Variants in MBTPS2 observed in about 807,000 individuals in gnomAD.
MBTPS2 encodes membrane bound transcription factor peptidase, site 2.
A neutral mutation model predicts 35.4 loss-of-function variants in MBTPS2; 2 were observed. That is an observed-to-expected ratio of 0.06 (90% CI 0.02 to 0.18). The LOEUF (loss-of-function observed/expected upper bound fraction) is 0.18, where lower values mean the gene tolerates loss of function less well. MBTPS2 is among the 10% of genes least tolerant of loss of function. The probability of loss-of-function intolerance (pLI) is 1.00; values close to 1 mark genes in which losing one functional copy is unlikely to be tolerated. For missense variants in MBTPS2, 244 were observed against 386.5 expected (o/e 0.63, Z 3.09); for synonymous variants, 125 against 140.4 (o/e 0.89, Z 0.77).
chrX:21,877,310 C>T (rs1465561529), intron 7 of MBTPS2, among the ~76,000 whole-genome samples: 17 of 111,717 alleles, frequency 1.5e-4, no homozygotes, highest in East Asian at 5.6e-4. Flanking sequence ...GGTGCAGTGG[C>T]GCATGCCTGT....
intron 5 of MBTPS2, among the ~76,000 whole-genome samples, chrX:21,863,392 CAT>C (rs1569326002): frequency 9.1e-6 from 1 of 110,154 alleles, no homozygotes; most frequent in African/African-American, 3.3e-5. Context: ...CATGTATACT[CAT>C]ATACATGCTG....
chrX:21,861,704 A>C (rs1468524851), intron 5 of MBTPS2, among the ~76,000 whole-genome samples: 1 of 101,275 alleles, frequency 9.9e-6, no homozygotes, highest in South Asian at 4.7e-4. Context: ...CTCTTTAAAA[A>C]AAACAAACAA....
intron 7 of MBTPS2, 56 bp downstream of exon 7, chrX:21,869,734 A>G (rs1281898077): frequency 1.1e-6 from 1 of 904,669 alleles, no homozygotes; most frequent in Admixed American, 2.2e-5. Flanking sequence ...CCTGCCATTC[A>G]CTAATCCTTA....
chrX:21,861,776 A>T (rs910953818), intron 5 of MBTPS2, among the ~76,000 whole-genome samples: 1 of 111,740 alleles, frequency 8.9e-6, no homozygotes, highest in African/African-American at 3.2e-5. Context: ...TTTTTAAATG[A>T]TGTATCTGTA....
intron 3 of MBTPS2, among the ~76,000 whole-genome samples, chrX:21,849,134 T>A (rs2092911912): frequency 8.9e-6 from 1 of 111,961 alleles, no homozygotes; most frequent in South Asian, 3.7e-4. Flanking sequence ...CCACCCATAG[T>A]TTACATTAGG....
At chrX:21,874,601 T>G (rs966965356) in intron 7 of MBTPS2, among the ~76,000 whole-genome samples, 21 of 111,930 alleles carry the variant, frequency 1.9e-4, no homozygotes, top group African/African-American at 6.8e-4. Context: ...ACTGGACTAT[T>G]TCTGTGACTA....
intron 7 of MBTPS2, chrX:21,871,720 AT>A (rs1015719754): frequency 1.8e-5 from 2 of 111,479 alleles, no homozygotes; most frequent in Non-Finnish European, 3.8e-5. Flanking sequence ...TTGAAATGTT[AT>A]TTTTTTGTTG....
At chrX:21,857,441 G>A in intron 5 of MBTPS2, 4 of 1,211,748 alleles carry the variant, frequency 3.3e-6, no homozygotes, top group Non-Finnish European at 4.5e-6. Flanking sequence ...AAGGCTGCGG[G>A]AAACGCTTTT....
intron 1 of MBTPS2, chrX:21,841,771 G>A (rs991087985): frequency 8.9e-6 from 1 of 112,338 alleles, no homozygotes; most frequent in Non-Finnish European, 1.9e-5. Context: ...CCTTAAGAAT[G>A]CACCAACCTC....
chrX:21,869,982 T>G lies in MBTPS2; in HGVS notation c.970+304T>G, dbSNP rs776511675. On this transcript the variant is annotated intron_variant, in intron 7 of 10. Coordinates refer to ENST00000379484, the MANE Select transcript of MBTPS2 (RefSeq NM_015884.4). Reference sequence around the variant, plus strand: ...ATAGCCGGGCGCAGTGGCTCACGCCTGTAATCCCAGCACTTTGGGAGGCTG... The same window carrying G: ...ATAGCCGGGCGCAGTGGCTCACGCCGGTAATCCCAGCACTTTGGGAGGCTG... 147 of 220,585 alleles carry G rather than the reference T, an allele frequency of 6.7e-4. 1 individual carries two copies. In the South Asian group the frequency reaches 8.2e-3, roughly 12 times the overall value. 18.2% of individuals were successfully genotyped at this position (220,585 alleles called of 1,213,427 possible). A position where few individuals can be genotyped will look rare whatever the true frequency, so the allele number is the denominator to read the frequency against.
At chrX:21,881,372 G>A (rs997975879) in intron 10 of MBTPS2, among the ~76,000 whole-genome samples, 1 of 111,451 alleles carries the variant, frequency 9.0e-6, no homozygotes, top group African/African-American at 3.3e-5. Context: ...TAAATCCCAG[G>A]GAGGAATGCA....
chrX:21,863,375 T>G (rs1422071663), intron 5 of MBTPS2, among the ~76,000 whole-genome samples: 3 of 110,476 alleles, frequency 2.7e-5, no homozygotes, highest in Non-Finnish European at 5.7e-5. Context: ...TTATTAAAAT[T>G]ATTACACATG....
At chrX:21,854,346 C>G (rs2092917971) in intron 5 of MBTPS2, among the ~76,000 whole-genome samples, 2 of 111,704 alleles carry the variant, frequency 1.8e-5, no homozygotes, top group Admixed American at 1.9e-4. Flanking sequence ...AATTTAAGAC[C>G]AAAACACATT....
intron 10 of MBTPS2, 26 bp from the exon 11 acceptor site, chrX:21,882,407 T>C: frequency 1.8e-6 from 2 of 1,113,988 alleles, no homozygotes; most frequent in Non-Finnish European, 2.5e-6. Flanking sequence ...CTCTCACAGT[T>C]GGTTCCTTAA....
At chrX:21,861,095 ACAACT>A (rs973535998) in intron 5 of MBTPS2, among the ~76,000 whole-genome samples, 9 of 112,313 alleles carry the variant, frequency 8.0e-5, no homozygotes, top group African/African-American at 2.9e-4. Context: ...AATTAATAAG[ACAACT>A]CAATCAAAAA....
At chrX:21,849,841 C>T (rs1382096913) in intron 3 of MBTPS2, among the ~76,000 whole-genome samples, 7 of 90,806 alleles carry the variant, frequency 7.7e-5, no homozygotes, top group Non-Finnish European at 6.3e-5. Context: ...GGTGAAACCC[C>T]GTCTCTACTA....
chrX:21,878,434 G>A (rs1344728718), intron 8 of MBTPS2, 63 bp from the exon 9 acceptor site: 6 of 842,440 alleles, frequency 7.1e-6, no homozygotes, highest in Non-Finnish European at 8.8e-6. Flanking sequence ...AAATATTGAA[G>A]GAATGTAACT....
chrX:21,854,070 C>T (rs770357857), intron 5 of MBTPS2, among the ~76,000 whole-genome samples: 15 of 110,756 alleles, frequency 1.4e-4, no homozygotes, highest in East Asian at 5.6e-4. Context: ...AAACTAACAA[C>T]GACAACAACA....
intron 1 of MBTPS2, among the ~76,000 whole-genome samples, chrX:21,842,775 T>TTA (rs1406980175): frequency 8.9e-6 from 1 of 112,312 alleles, no homozygotes. Flanking sequence ...AACACTGTTC[T>TTA]AAGCAGGGGT....
Sources: gnomAD v4.1 joint callset for allele counts (sites outside exome capture counted in the v4.1 genomes callset) on GRCh38, gnomAD v4.1.1 for gene constraint, MANE v1.5 for transcripts, NCBI Gene and HGNC (gene_info 2026-07-23, HGNC 2026-07-21) for gene names.